Variants in MTA1 observed in about 807,000 individuals in gnomAD.
The protein encoded by MTA1 is metastasis associated 1.
Under a neutral mutation model 97.0 loss-of-function variants are expected in MTA1, and 15 were observed. That is an observed-to-expected ratio of 0.15 (90% CI 0.10 to 0.24). MTA1 has a LOEUF of 0.24. Ranked by LOEUF, MTA1 falls within the 10% of genes least tolerant of loss-of-function variation. MTA1 has a pLI of 1.00. For missense variants in MTA1, 709 were observed against 1,015.1 expected, an observed-to-expected ratio of 0.70 and a Z score of 4.10; for synonymous variants, 435 against 417.5, an observed-to-expected ratio of 1.04 and a Z score of -0.51.
At chr14:105,469,649 T>C (rs2083749439) in intron 19 of MTA1, 151 bp downstream of exon 19, 4 of 1,200,278 alleles carry the variant, frequency 3.3e-6, no homozygotes, top group Admixed American at 4.3e-5. Context: ...GTGGGGGCCA[T>C]GGCCCCTGTG....
At chr14:105,450,395 C>G in intron 6 of MTA1, 71 bp downstream of exon 6, 3 of 1,510,118 alleles carry the variant, frequency 2.0e-6, no homozygotes, top group Non-Finnish European at 2.7e-6. Flanking sequence ...ATGACCTCTG[C>G]TGGCCTGGGC....
At chr14:105,438,571 G>A in intron 1 of MTA1, 101 bp from the exon 2 acceptor site, 1 of 990,278 alleles carries the variant, frequency 1.0e-6, no homozygotes, top group Non-Finnish European at 1.6e-6. Flanking sequence ...GTGAGGGGAT[G>A]ACACTGCCCC....
chr14:105,470,039 G>A, intron 20 of MTA1, 26 bp from the exon 21 acceptor site: 1 of 1,612,578 alleles, frequency 6.2e-7, no homozygotes, highest in Middle Eastern at 1.7e-4. Flanking sequence ...CAGCGTCCCG[G>A]CCCTCACCAC....
chr14:105,436,569 C>T (rs587680118), intron 1 of MTA1, among the ~76,000 whole-genome samples: 3 of 152,314 alleles, frequency 2.0e-5, no homozygotes, highest in East Asian at 1.9e-4. Context: ...CCCCACTGCA[C>T]GCAGCCGTCG....
At chr14:105,449,250 G>A (rs1179509855) in intron 3 of MTA1, 109 bp from the exon 4 acceptor site, 93 of 1,181,528 alleles carry the variant, frequency 7.9e-5, no homozygotes, top group South Asian at 1.2e-4. Context: ...TGCGGCCCCC[G>A]TTCTGCCCTG....
rs1595302699 is a variant in MTA1 at position 105,437,206 on chromosome 14, G to A, written c.29-1466G>A. On this transcript the variant is annotated intron_variant, in intron 1 of 20. Transcript: ENST00000331320. ...GTGCCCAAACAGGTGCGTCCTCCCA[G>A]GTGTGCACCCACAGATGTGTCCTCA... Among the ~76,000 whole-genome samples the A allele has an allele frequency of 2.0e-5, 3 of 151,686 alleles. No homozygotes were observed. In the East Asian group the frequency reaches 5.8e-4, roughly 29 times the overall value.
chr14:105,466,946 C>CG, intron 18 of MTA1: 2 of 605,116 alleles, frequency 3.3e-6, no homozygotes, highest in Non-Finnish European at 5.7e-6. Context: ...ATCTGGCCCT[C>CG]GGCCCCCTGG....
intron 16 of MTA1, 76 bp downstream of exon 16, chr14:105,465,259 C>A: frequency 7.8e-7 from 1 of 1,281,494 alleles, no homozygotes; most frequent in Non-Finnish European, 1.0e-6. Flanking sequence ...TGCACTGGTG[C>A]TCCCAGCCTT....
chr14:105,470,414 C>G lies in MTA1; in HGVS notation c.*199C>G. ...TATTCCGAGAATGCCGAGGAGTTGT[C>G]GTTTTTAGCTTTGTGTTTACTTTTT... On this transcript the variant is annotated 3_prime_UTR_variant, in exon 21 of 21. Transcript: ENST00000331320. 2.0e-6 allele frequency: 1 copy of G among 508,872 alleles called. No homozygotes were observed. Among genetic ancestry groups the G allele is most frequent in the East Asian group, 4.0e-5 (1 of 25,244 alleles). The allele number at this position is 508,872 out of a possible 1,614,324, so 31.5% of individuals were successfully genotyped here.
chr14:105,458,012 T>C (rs1397766790), intron 7 of MTA1, among the ~76,000 whole-genome samples: 1 of 152,134 alleles, frequency 6.6e-6, no homozygotes, highest in East Asian at 1.9e-4. Flanking sequence ...CCATCTCTTG[T>C]GGCCACAGTT....
At chr14:105,464,193 G>A in intron 13 of MTA1, 46 bp downstream of exon 13, 1 of 1,573,854 alleles carries the variant, frequency 6.4e-7, no homozygotes, top group African/African-American at 1.4e-5. Context: ...CCCGCCTGTG[G>A]GCCGTGGTGC....
At chr14:105,428,015 C>CAA (rs11421824) in intron 1 of MTA1, among the ~76,000 whole-genome samples, 97,135 of 109,836 alleles carry the variant, frequency 0.88, 44,450 homozygotes, top group East Asian at 0.98. Flanking sequence ...GAGACTCTCT[C>CAA]AAAAAAAAAA....
intron 6 of MTA1, 123 bp from the exon 7 acceptor site, chr14:105,454,070 C>A: frequency 1.5e-6 from 1 of 681,078 alleles, no homozygotes; most frequent in Non-Finnish European, 2.6e-6. Context: ...CTCCTGCGCC[C>A]ATGTCGCCCC....
At chr14:105,425,544 G>A (rs587728141) in intron 1 of MTA1, among the ~76,000 whole-genome samples, 5 of 152,282 alleles carry the variant, frequency 3.3e-5, no homozygotes, top group East Asian at 3.9e-4. Context: ...CCAAAGTGCC[G>A]CTGGGTTTGC....
In MTA1 at chr14:105,469,942, C is replaced by T. The variant is rs782137286; in HGVS notation, c.1947C>T (p.Asn649=). 7.4e-6 allele frequency: 12 copies of T among 1,612,382 alleles called. No homozygotes were observed. The highest frequency in any genetic ancestry group is 9.3e-6 in the Non-Finnish European group (11 of 1,179,772). ...CCCCAGTCAAGCGGCGGCGGATGAA[C>T]TGGATCGACGCCCCGGATGACGTGT... The part of the protein sequence containing the change: ...SLPPVKRRRM[N]WIDAPDDVFY... Residue 649 remains asparagine (N), a synonymous_variant, in exon 20 of 21, where the codon AAC becomes AAT. Coordinates refer to ENST00000331320, the MANE Select transcript of MTA1 (RefSeq NM_004689.4).
Position 105,463,628 on chromosome 14 carries a change from C to T in MTA1, c.1076+77C>T, listed in dbSNP as rs587760477. 29 of 1,445,384 alleles carry T rather than the reference C, an allele frequency of 2.0e-5. No homozygotes were observed. In the South Asian group the frequency reaches 2.1e-4, roughly 10 times the overall value. The allele number at this position is 1,445,384 out of a possible 1,614,324, so 89.5% of individuals were successfully genotyped here. A position where few individuals can be genotyped will look rare whatever the true frequency, so the allele number is the denominator to read the frequency against. ...GTGGGCACAGGGTGCTGGGGCCAGGCGGGTCCCAAGGAAACTCAAGCTCAG... is the reference window on the plus strand; with the variant it reads ...GTGGGCACAGGGTGCTGGGGCCAGGTGGGTCCCAAGGAAACTCAAGCTCAG... On this transcript the variant is annotated intron_variant, in intron 12 of 20. Transcript: ENST00000331320. The surrounding 1 kb of genome is among the most constrained non-coding windows in gnomAD (Gnocchi z 5.9).
chr14:105,467,890 G>A (rs782818219), intron 18 of MTA1: 8 of 237,494 alleles, frequency 3.4e-5, no homozygotes, highest in Non-Finnish European at 5.1e-5. Context: ...CGGTTAACCA[G>A]CAAGTTACAT....
chr14:105,468,447 G>C (rs587628140), intron 18 of MTA1: 1 of 1,157,948 alleles, frequency 8.6e-7, no homozygotes, highest in African/African-American at 1.6e-5. Flanking sequence ...GAGCGCCGCA[G>C]ATCAGGCACC....
At chr14:105,460,695 A>AG in intron 9 of MTA1, 70 bp from the exon 10 acceptor site, 1 of 1,448,100 alleles carries the variant, frequency 6.9e-7, no homozygotes. Context: ...GTACTGAGGG[A>AG]GGGGGTACCG....
Sources: gnomAD v4.1 joint callset for allele counts (sites outside exome capture counted in the v4.1 genomes callset) on GRCh38, gnomAD v4.1.1 for gene constraint, Gnocchi (gnomAD v3.1) non-coding constraint, MANE v1.5 for transcripts, NCBI Gene and HGNC (gene_info 2026-07-23, HGNC 2026-07-21) for gene names.